The following CA5A variants were observed in gnomAD, a reference collection of about 807,000 sequenced individuals.
The protein encoded by CA5A is carbonic anhydrase 5A.
A neutral mutation model predicts 37.1 loss-of-function variants in CA5A; 28 were observed. The observed-to-expected ratio is 0.75, with a 90% CI of 0.56 to 1.03. The LOEUF (loss-of-function observed/expected upper bound fraction) is 1.03, where lower values mean the gene tolerates loss of function less well. Among genes scored for constraint, CA5A ranks in the 50% least tolerant of loss-of-function variants. The pLI, the probability that CA5A is intolerant of heterozygous loss-of-function variation, is 0.00. For missense variants in CA5A, 444 were observed against 399.9 expected, an observed-to-expected ratio of 1.11 and a Z score of -0.94; for synonymous variants, 171 against 158.4, an observed-to-expected ratio of 1.08 and a Z score of -0.60.
At chr16:87,929,314 T>G (rs2056363333) in intron 1 of CA5A, among the ~76,000 whole-genome samples, 1 of 150,626 alleles carries the variant, frequency 6.6e-6, no homozygotes, top group South Asian at 2.1e-4. Context: ...TAGCCAGGCG[T>G]GGTGGCTCAT....
At chr16:87,926,434 G>C (rs1196999479) in intron 2 of CA5A, among the ~76,000 whole-genome samples, 1 of 152,178 alleles carries the variant, frequency 6.6e-6, no homozygotes, top group Non-Finnish European at 1.5e-5. Flanking sequence ...GCATTTCAAT[G>C]AGCTTGTCTC....
rs200539625 is a variant in CA5A at position 87,926,916 on chromosome 16, C to T, written c.172G>A (p.Val58Met). ...GGAGACTGCCGGGTGCCCCCTGGCACGGAGACCGGGACCGTCCAGAGTGGG... is the reference window on the plus strand; with the variant it reads ...GGAGACTGCCGGGTGCCCCCTGGCATGGAGACCGGGACCGTCCAGAGTGGG... ...LHPLWTVPVS[V>M]PGGTRQSPIN... is the part of the protein sequence containing the mutation. Residue 58 changes from valine (V) to methionine (M), a missense_variant, in exon 2 of 7, where the codon GTG becomes ATG. Physicochemically the swap from Val to Met is conservative, Grantham distance 21. Transcript: ENST00000649794. 2.4e-4 allele frequency: 379 copies of T among 1,597,430 alleles called. 1 individual carries two copies. The highest frequency in any genetic ancestry group is 2.5e-4 in the East Asian group (11 of 44,212).
intron 3 of CA5A, among the ~76,000 whole-genome samples, chr16:87,903,948 T>C (rs1324236350): frequency 1.3e-5 from 2 of 152,166 alleles, no homozygotes; most frequent in African/African-American, 4.8e-5. Context: ...AAGGCATCAC[T>C]TATCACCCCA....
In CA5A at chr16:87,926,727, C is replaced by T. The variant is rs138646822; in HGVS notation, c.340+21G>A. ...GAACAACGGGAGAGGACAAAGCCCT[C>T]GAGCCCCAGCTGGCACTCACCTGAT... On this transcript the variant is annotated intron_variant, in intron 2 of 6. Transcript: ENST00000649794. The T allele has an allele frequency of 6.5e-3, 10,339 of 1,595,894 alleles. 52 individuals carry two copies. The highest frequency in any genetic ancestry group is 0.013 in the Admixed American group (778 of 59,650).
chr16:87,899,570 T>C (rs1275862967), intron 5 of CA5A, among the ~76,000 whole-genome samples: 1 of 150,608 alleles, frequency 6.6e-6, no homozygotes, highest in Non-Finnish European at 1.5e-5. Flanking sequence ...CCCAAAGTGC[T>C]AGGATTACAG....
chr16:87,893,105 G>A, intron 5 of CA5A: 1 of 645,332 alleles, frequency 1.5e-6, no homozygotes, highest in Non-Finnish European at 2.6e-6. Context: ...AGTTTGCCTA[G>A]AGACATTTCT....
downstream of CA5A, chr16:87,886,115 T>G (rs913300252): frequency 2.5e-4 from 38 of 149,874 alleles, no homozygotes; most frequent in African/African-American, 8.8e-4. Context: ...AAAGCCACAC[T>G]CAGACCCAAC....
At chr16:87,919,529 C>T (rs993903109) in intron 2 of CA5A, among the ~76,000 whole-genome samples, 1 of 152,206 alleles carries the variant, frequency 6.6e-6, no homozygotes, top group Non-Finnish European at 1.5e-5. Context: ...TGAGTGTCCC[C>T]TGGGGAAAGC....
At chr16:87,897,417 G>C (rs1364477458) in intron 5 of CA5A, among the ~76,000 whole-genome samples, 1 of 152,148 alleles carries the variant, frequency 6.6e-6, no homozygotes, top group African/African-American at 2.4e-5. Context: ...GTCTGCCCGG[G>C]GTCACCAGGA....
chr16:87,925,423 G>C (rs534268097), intron 2 of CA5A: 1 of 152,420 alleles, frequency 6.6e-6, no homozygotes, highest in African/African-American at 2.4e-5. Context: ...GAACCAGTGT[G>C]ACGTGTTCTG....
At chr16:87,897,214 C>T (rs551796148) in intron 5 of CA5A, among the ~76,000 whole-genome samples, 41 of 152,386 alleles carry the variant, frequency 2.7e-4, no homozygotes, top group African/African-American at 9.4e-4. Flanking sequence ...GTTTCCACCT[C>T]CACAAGGCAG....
chr16:87,904,279 T>C (rs970894694), intron 3 of CA5A, among the ~76,000 whole-genome samples: 2 of 149,942 alleles, frequency 1.3e-5, no homozygotes, highest in African/African-American at 4.9e-5. Context: ...GAGACGGAGG[T>C]TGTGGTGAGC....
chr16:87,925,272 A>G (rs2056289211), intron 2 of CA5A, among the ~76,000 whole-genome samples: 1 of 152,164 alleles, frequency 6.6e-6, no homozygotes, highest in African/African-American at 2.4e-5. Flanking sequence ...AGCTACATTC[A>G]GCAAAAGGAC....
intron 5 of CA5A, among the ~76,000 whole-genome samples, chr16:87,895,542 T>C (rs1022540198): frequency 2.6e-5 from 4 of 151,980 alleles, no homozygotes; most frequent in African/African-American, 4.8e-5. Context: ...TGAAACTCCA[T>C]CTCAAAAAGA....
chr16:87,926,910 C>A lies in CA5A; in HGVS notation c.178G>T (p.Gly60Trp). ...PLWTVPVSVP[G>W]GTRQSPINIQ... ...TTAATAGGAGACTGCCGGGTGCCCCCTGGCACGGAGACCGGGACCGTCCAG... is the reference window on the plus strand; with the variant it reads ...TTAATAGGAGACTGCCGGGTGCCCCATGGCACGGAGACCGGGACCGTCCAG... Residue 60 changes from glycine to tryptophan, a missense_variant, in exon 2 of 7, where the codon GGG becomes TGG. Coordinates refer to ENST00000649794, the MANE Select transcript of CA5A (RefSeq NM_001739.2). 6.2e-7 allele frequency: 1 copy of A among 1,602,728 alleles called. No individual in the cohort carries two copies. The highest frequency in any genetic ancestry group is 8.5e-7 in the Non-Finnish European group (1 of 1,174,194).
chr16:87,918,922 G>A (rs1389545249), intron 2 of CA5A, among the ~76,000 whole-genome samples: 3 of 152,164 alleles, frequency 2.0e-5, no homozygotes, highest in Admixed American at 6.6e-5. Context: ...CCGGGAGCAC[G>A]TGAAGCTGAG....
chr16:87,904,855 G>C lies in CA5A; in HGVS notation c.390C>G (p.His130Gln), dbSNP rs773807155. 1.2e-6 allele frequency: 2 copies of C among 1,613,516 alleles called. No individual in the cohort carries two copies. Among genetic ancestry groups the C allele is most frequent in the Non-Finnish European group, 8.5e-7 (1 of 1,179,430 alleles). Residue 130 changes from histidine to glutamine, a missense_variant, in exon 3 of 7, where the codon CAC (histidine) becomes CAG (glutamine). Transcript: ENST00000649794. Reference protein sequence around the residue: ...LENHYRLKQFHFHWGAVNEGG... With the variant: ...LENHYRLKQFQFHWGAVNEGG... ...CCTCGTTCACTGCTCCCCAGTGGAA[G>C]TGAAATTGCTTCAGTCTGTAGTGGT...
chr16:87,923,915 C>T, intron 2 of CA5A: 3 of 985,010 alleles, frequency 3.0e-6, no homozygotes, highest in Non-Finnish European at 3.6e-6. Context: ...AGTTCAGGAA[C>T]TATTTTTGGT....
At chr16:87,901,227 G>A (rs533659945) in intron 5 of CA5A, among the ~76,000 whole-genome samples, 44 of 152,054 alleles carry the variant, frequency 2.9e-4, no homozygotes, top group South Asian at 1.2e-3. Context: ...GAGACTCCTC[G>A]AAAAAATAAA....
Sources: gnomAD v4.1 joint callset for allele counts (sites outside exome capture counted in the v4.1 genomes callset) on GRCh38, gnomAD v4.1.1 for gene constraint, MANE v1.5 for transcripts, NCBI Gene and HGNC (gene_info 2026-07-23, HGNC 2026-07-21) for gene names.